NMS: variants seen among roughly 807,000 people sequenced by gnomAD.
The protein encoded by NMS is neuromedin-S.
A neutral mutation model predicts 32.2 loss-of-function variants in NMS; 30 were observed. That is an observed-to-expected ratio of 0.93 (90% CI 0.70 to 1.26). The LOEUF (loss-of-function observed/expected upper bound fraction) is 1.26. Ranked by LOEUF, NMS falls within the 50% of genes most tolerant of loss-of-function variation. The pLI is 0.00. For missense variants in NMS, 190 were observed against 186.3 expected (o/e 1.02, Z -0.12); for synonymous variants, 76 against 58.5 (o/e 1.30, Z -1.37).
intron 3 of NMS, among the ~76,000 whole-genome samples, chr2:100,476,952 C>T (rs1677121938): frequency 6.6e-6 from 1 of 152,138 alleles, no homozygotes. Context: ...TGGTTATTTG[C>T]TTCTATGCAT....
chr2:100,470,755 T>C (rs1163839995), intron 1 of NMS, among the ~76,000 whole-genome samples, 191 bp downstream of exon 1: 2 of 152,174 alleles, frequency 1.3e-5, no homozygotes, highest in Non-Finnish European at 2.9e-5. Context: ...AGCCTTTTAC[T>C]AAAGGAGACT....
intron 3 of NMS, 79 bp from the exon 4 acceptor site, chr2:100,477,165 G>A: frequency 2.5e-6 from 3 of 1,197,754 alleles, no homozygotes; most frequent in East Asian, 2.3e-5. Flanking sequence ...GGTCCATGGT[G>A]TACCTTATAC....
intron 3 of NMS, among the ~76,000 whole-genome samples, chr2:100,476,737 T>C (rs1010706808): frequency 1.3e-5 from 2 of 152,208 alleles, no homozygotes; most frequent in Admixed American, 6.5e-5. Flanking sequence ...AGCCATCATC[T>C]ACGCAAGCCA....
intron 1 of NMS, among the ~76,000 whole-genome samples, chr2:100,472,458 T>C (rs892388719): frequency 5.3e-5 from 8 of 152,246 alleles, no homozygotes; most frequent in African/African-American, 1.4e-4. Context: ...ATGAATTCTA[T>C]CAAAATACAA....
intron 3 of NMS, among the ~76,000 whole-genome samples, chr2:100,474,676 G>A (rs527254744): frequency 4.6e-5 from 7 of 152,282 alleles, no homozygotes; most frequent in South Asian, 2.1e-4. Flanking sequence ...CATCCAGAAC[G>A]TGGTAAATGA....
At chr2:100,476,672 G>C (rs1677114889) in intron 3 of NMS, among the ~76,000 whole-genome samples, 1 of 143,120 alleles carries the variant, frequency 7.0e-6, no homozygotes, top group African/African-American at 2.6e-5. Context: ...TTACGCTATG[G>C]TTTTGTAAGA....
At chr2:100,471,931 C>T (rs552298549) in intron 1 of NMS, among the ~76,000 whole-genome samples, 4 of 151,992 alleles carry the variant, frequency 2.6e-5, no homozygotes, top group Non-Finnish European at 5.9e-5. Context: ...AAACTATGCT[C>T]AGTGCCTTTA....
chr2:100,478,689 G>C (rs1450545193), intron 5 of NMS, among the ~76,000 whole-genome samples: 1 of 152,136 alleles, frequency 6.6e-6, no homozygotes, highest in Non-Finnish European at 1.5e-5. Context: ...GTCTTGAACT[G>C]CTGACCTCAG....
At chr2:100,474,481 G>A (rs1310499970) in intron 3 of NMS, among the ~76,000 whole-genome samples, 1 of 152,180 alleles carries the variant, frequency 6.6e-6, no homozygotes, top group East Asian at 1.9e-4. Flanking sequence ...ACAGGCTGCA[G>A]TTAACAATCC....
At position 100,470,534 on chromosome 2, in the gene NMS, T is replaced by C; in HGVS notation, c.46T>C (p.Cys16Arg). Residue 16 changes from cysteine (C) to arginine (R), a missense_variant, in exon 1 of 10, where the codon TGC becomes CGC. Transcript: ENST00000376865. ...GTTCCCTCTCATCTTGGCCATCTAC[T>C]GCTTCTGCATGCTACAGATTCCCTC... ...PQFPLILAIY[C>R]FCMLQIPSSG... 1 of 1,613,986 alleles carries C rather than the reference T, an allele frequency of 6.2e-7. No homozygotes were observed. The highest frequency in any genetic ancestry group is 8.5e-7 in the Non-Finnish European group (1 of 1,179,872).
At chr2:100,480,405 A>G in intron 6 of NMS, 91 bp from the exon 7 acceptor site, 1 of 1,347,364 alleles carries the variant, frequency 7.4e-7, no homozygotes, top group Non-Finnish European at 1.1e-6. Flanking sequence ...CTATCTTAGA[A>G]GCAAGGCAGG....
intron 8 of NMS, 66 bp downstream of exon 8, chr2:100,481,233 T>G: frequency 6.8e-7 from 1 of 1,480,042 alleles, no homozygotes; most frequent in Non-Finnish European, 9.5e-7. Context: ...AATCATGGAG[T>G]GACTGCAAAC....
intron 7 of NMS, 104 bp downstream of exon 7, chr2:100,480,635 C>A: frequency 9.2e-7 from 1 of 1,084,728 alleles, no homozygotes; most frequent in Non-Finnish European, 1.4e-6. Flanking sequence ...CAGACCAGTT[C>A]TGGGCAGAGC....
chr2:100,480,100 C>T (rs777213591), intron 6 of NMS, among the ~76,000 whole-genome samples: 67 of 152,318 alleles, frequency 4.4e-4, no homozygotes, highest in South Asian at 1.7e-3. Flanking sequence ...CCCTGCTAAC[C>T]GCAAGCCTCC....
At chr2:100,471,569 A>G (rs891029295) in intron 1 of NMS, among the ~76,000 whole-genome samples, 1 of 152,140 alleles carries the variant, frequency 6.6e-6, no homozygotes, top group Admixed American at 6.5e-5. Flanking sequence ...ATTTTTGTAA[A>G]TATGTTATTA....
intron 1 of NMS, among the ~76,000 whole-genome samples, 158 bp downstream of exon 1, chr2:100,470,722 G>C (rs1270168584): frequency 6.6e-6 from 1 of 152,200 alleles, no homozygotes; most frequent in African/African-American, 2.4e-5. Context: ...CTTTAGGAGA[G>C]GATCAAGAGA....
rs946853676 is a variant in NMS, at chr2:100,481,016, G to A, written c.373-110G>A. 7.9e-6 allele frequency: 8 copies of A among 1,011,842 alleles called. No individual in the cohort carries two copies. The Admixed American group carries it at 1.2e-4, about 15-fold the overall frequency. The allele number at this position is 1,011,842 out of a possible 1,614,324, so 62.7% of individuals were successfully genotyped here. ...TTCTTACAAGTTCCCAGAGGTTGTTGGTGCCACTGGTCTGGGACCACCCAT... is the reference window on the plus strand; with the variant it reads ...TTCTTACAAGTTCCCAGAGGTTGTTAGTGCCACTGGTCTGGGACCACCCAT... On this transcript the variant is annotated intron_variant, in intron 7 of 9. Transcript: ENST00000376865.
At chr2:100,475,980 TG>T (rs771568591) in intron 3 of NMS, among the ~76,000 whole-genome samples, 1 of 135,500 alleles carries the variant, frequency 7.4e-6, no homozygotes, top group Non-Finnish European at 1.5e-5. Flanking sequence ...GCCTGGGTGA[TG>T]GAGCGAGACC....
At chr2:100,472,723 A>G in intron 1 of NMS, 72 bp from the exon 2 acceptor site, 1 of 957,444 alleles carries the variant, frequency 1.0e-6, no homozygotes, top group South Asian at 1.5e-5. Flanking sequence ...TCTGTTTTTC[A>G]TGATAAAGAC....
Sources: allele counts gnomAD v4.1 joint callset (sites outside exome capture counted in the v4.1 genomes callset), GRCh38; gene constraint gnomAD v4.1.1; transcripts MANE v1.5; gene names NCBI Gene and HGNC (gene_info 2026-07-23, HGNC 2026-07-21).